RSPO3: variants seen among roughly 807,000 people sequenced by gnomAD.
RSPO3 encodes R-spondin 3, also known as R-spondin-3.
In RSPO3, 17 loss-of-function variants were observed where a neutral mutation model predicts 36.5. That is an observed-to-expected ratio of 0.47 (90% CI 0.32 to 0.70). RSPO3 has a LOEUF of 0.70. Among genes scored for constraint, RSPO3 ranks in the 30% least tolerant of loss-of-function variants. The pLI is 0.04. For missense variants in RSPO3, 294 were observed against 322.5 expected (o/e 0.91, Z 0.68); for synonymous variants, 108 against 107.0 (o/e 1.01, Z -0.06).
At chr6:127,170,322 G>A (rs1308432909) in intron 4 of RSPO3, among the ~76,000 whole-genome samples, 1 of 151,576 alleles carries the variant, frequency 6.6e-6, no homozygotes, top group Non-Finnish European at 1.5e-5. Context: ...AAAAATAGAT[G>A]TGCCTTATTG....
intron 4 of RSPO3, among the ~76,000 whole-genome samples, chr6:127,191,101 TAACCTGC>T (rs1225422544): frequency 2.6e-5 from 4 of 152,216 alleles, no homozygotes; most frequent in African/African-American, 9.7e-5. Context: ...TTTAAAAAGA[TAACCTGC>T]AATTAATTTA....
At position 127,143,074 on chromosome 6, in the gene RSPO3, G is replaced by A. The variant is rs540731387; in HGVS notation, c.98-5574G>A. On this transcript the variant is annotated intron_variant, in intron 1 of 4. Transcript: ENST00000356698. Reference sequence around the variant, plus strand: ...GCTCAAGGAAAGTGCTGGGATTACAGTTGTGAGCCACTGTACCTAACAACA... The same window carrying A: ...GCTCAAGGAAAGTGCTGGGATTACAATTGTGAGCCACTGTACCTAACAACA... Among the ~76,000 whole-genome samples, 4 of 151,824 alleles carry A rather than the reference G, an allele frequency of 2.6e-5. No homozygotes were observed. The East Asian group carries it at 5.8e-4, about 22-fold the overall frequency.
chr6:127,121,406 C>T (rs559138932), intron 1 of RSPO3, among the ~76,000 whole-genome samples: 48 of 152,226 alleles, frequency 3.2e-4, no homozygotes, highest in Admixed American at 1.6e-3. Flanking sequence ...TCAAAGGAGA[C>T]CTCTGTTTGT....
chr6:127,144,661 CAG>C (rs1429931468), intron 1 of RSPO3, among the ~76,000 whole-genome samples: 1 of 30,872 alleles, frequency 3.2e-5, no homozygotes, highest in Non-Finnish European at 6.8e-5. Flanking sequence ...TTTTTTCAGA[CAG>C]AGTCTCACTC....
intron 4 of RSPO3, among the ~76,000 whole-genome samples, chr6:127,178,911 C>T (rs868006899): frequency 1.1e-4 from 17 of 151,754 alleles, no homozygotes; most frequent in Non-Finnish European, 1.9e-4. Context: ...AGAACTGAAG[C>T]GGTGAACACC....
intron 2 of RSPO3, 152 bp downstream of exon 2, chr6:127,148,991 G>A (rs187128570): frequency 4.8e-4 from 303 of 631,948 alleles, no homozygotes; most frequent in African/African-American, 4.1e-3. Context: ...TTAACCCTCA[G>A]AACCAGAAAA....
At chr6:127,172,108 T>C (rs1431397746) in intron 4 of RSPO3, among the ~76,000 whole-genome samples, 1 of 136,624 alleles carries the variant, frequency 7.3e-6, no homozygotes, top group Non-Finnish European at 1.6e-5. Context: ...TTCATCATAT[T>C]ACATATTGTA....
chr6:127,181,710 C>G (rs533527879), intron 4 of RSPO3, among the ~76,000 whole-genome samples: 1 of 151,846 alleles, frequency 6.6e-6, no homozygotes. Flanking sequence ...AACAAGTAAG[C>G]CAACCTTACT....
intron 4 of RSPO3, among the ~76,000 whole-genome samples, chr6:127,181,653 A>C (rs1775189158): frequency 6.6e-6 from 1 of 151,824 alleles, no homozygotes. Context: ...TGTAATGGAC[A>C]AAAAAGGGAT....
chr6:127,167,976 T>C (rs373819694), intron 4 of RSPO3, among the ~76,000 whole-genome samples: 1 of 152,278 alleles, frequency 6.6e-6, no homozygotes, highest in Non-Finnish European at 1.5e-5. Context: ...TTCCATGGTG[T>C]ATATGTGCCA....
rs191726523 is a variant in RSPO3 at position 127,195,751 on chromosome 6, A to G, written c.635-72A>G. The G allele has an allele frequency of 6.5e-6, 7 of 1,084,118 alleles. No homozygotes were observed. In the East Asian group the frequency reaches 1.6e-4, roughly 25 times the overall value. 67.2% of individuals were successfully genotyped at this position (1,084,118 alleles called of 1,614,324 possible). A position where few individuals can be genotyped will look rare whatever the true frequency, so the allele number is the denominator to read the frequency against. On this transcript the variant is annotated intron_variant, in intron 4 of 4. Coordinates refer to ENST00000356698, the MANE Select transcript of RSPO3 (RefSeq NM_032784.5). ...ATATAATCTAAGAGAAATTTAAGTC[A>G]TTTTTTAAAATGTAATTAAAAAATA...
At position 127,150,515 on chromosome 6, in the gene RSPO3, G is replaced by A; in HGVS notation, c.379G>A (p.Asp127Asn). 1 of 1,612,430 alleles carries A rather than the reference G, an allele frequency of 6.2e-7. No individual in the cohort carries two copies. Among genetic ancestry groups the A allele is most frequent in the Non-Finnish European group, 8.5e-7 (1 of 1,179,108 alleles). The change falls in exon 3 of 5, where the codon GAC (aspartate) becomes AAC (asparagine). Residue 127 changes from aspartate (D) to asparagine (N), a missense_variant. By Grantham distance (23) the Asp-to-Asn change is conservative (BLOSUM62 1). Transcript: ENST00000356698. ...TTACTTACACCTTGGAAAGTGCCTTGACAATTGCCCAGAAGGGTTGGAAGC... is the reference window on the plus strand; with the variant it reads ...TTACTTACACCTTGGAAAGTGCCTTAACAATTGCCCAGAAGGGTTGGAAGC... ...GFYLHLGKCL[D>N]NCPEGLEANN... is the part of the protein sequence containing the mutation.
chr6:127,176,840 T>C (rs1386279793), intron 4 of RSPO3, among the ~76,000 whole-genome samples: 1 of 151,850 alleles, frequency 6.6e-6, no homozygotes, highest in Non-Finnish European at 1.5e-5. Flanking sequence ...TTGGCTGTCA[T>C]TCCTTGAAGC....
chr6:127,195,019 C>T lies in RSPO3; in HGVS notation c.635-804C>T, dbSNP rs144967875. On this transcript the variant is annotated intron_variant, in intron 4 of 4. Coordinates refer to ENST00000356698, the MANE Select transcript of RSPO3 (RefSeq NM_032784.5). The stretch of plus-strand genomic sequence containing the variant: ...GTTAAAATACAATTATCTTGTTATT[C>T]ATCCTTATTATTTCTGCATTTGTTA... 3.9e-3 allele frequency among the ~76,000 whole-genome samples: 588 copies of T among 152,284 alleles called. 2 individuals carry two copies. Among genetic ancestry groups the T allele is most frequent in the Middle Eastern group, 6.8e-3 (2 of 294 alleles).
intron 4 of RSPO3, among the ~76,000 whole-genome samples, chr6:127,156,249 A>G (rs2114594327): frequency 6.6e-6 from 1 of 152,122 alleles, no homozygotes; most frequent in East Asian, 1.9e-4. Context: ...TCTGGTCTTT[A>G]TAGACCAGAT....
intron 4 of RSPO3, among the ~76,000 whole-genome samples, chr6:127,173,245 C>T (rs1774978595): frequency 2.0e-5 from 3 of 151,832 alleles, no homozygotes; most frequent in Middle Eastern, 3.4e-3. Flanking sequence ...CAGTGATTTC[C>T]CCTTTTGCTT....
chr6:127,180,697 C>T (rs1775166916), intron 4 of RSPO3, among the ~76,000 whole-genome samples: 1 of 151,720 alleles, frequency 6.6e-6, no homozygotes, highest in East Asian at 2.0e-4. Flanking sequence ...CAGATTTTAC[C>T]CAAACCAGAT....
rs191931475 is a variant in RSPO3 at position 127,123,591 on chromosome 6, G to A, written c.97+4302G>A. Among the ~76,000 whole-genome samples, 412 of 152,080 alleles carry A rather than the reference G, an allele frequency of 2.7e-3. 1 individual carries two copies. Among genetic ancestry groups the A allele is most frequent in the Middle Eastern group, 6.8e-3 (2 of 294 alleles). On this transcript the variant is annotated intron_variant, in intron 1 of 4. Coordinates refer to ENST00000356698, the MANE Select transcript of RSPO3 (RefSeq NM_032784.5). The stretch of plus-strand genomic sequence containing the variant: ...CCCATGGTGACACTATTTTAATTCC[G>A]TTTATTACTTTAATAGAAGGATTTT...
At chr6:127,121,097 C>T (rs1032915831) in intron 1 of RSPO3, among the ~76,000 whole-genome samples, 7 of 152,216 alleles carry the variant, frequency 4.6e-5, no homozygotes, top group African/African-American at 1.4e-4. Context: ...CACGCTCTCT[C>T]CTTTACCCCC....
Sources: allele counts gnomAD v4.1 joint callset (sites outside exome capture counted in the v4.1 genomes callset), GRCh38; gene constraint gnomAD v4.1.1; transcripts MANE v1.5; gene names NCBI Gene and HGNC (gene_info 2026-07-23, HGNC 2026-07-21).